Variants in ALOXE3 observed in about 807,000 individuals in gnomAD.
The protein encoded by ALOXE3 is hydroperoxide isomerase ALOXE3.
In ALOXE3, 78 loss-of-function variants were observed where a neutral mutation model predicts 87.5. That is an observed-to-expected ratio of 0.89 (90% CI 0.74 to 1.08). The LOEUF (loss-of-function observed/expected upper bound fraction) is 1.08. Ranked by LOEUF, ALOXE3 falls within the 50% of genes least tolerant of loss-of-function variation. The pLI, the probability that ALOXE3 is intolerant of heterozygous loss-of-function variation, is 0.00. For synonymous variants in ALOXE3, 363 were observed against 370.8 expected (o/e 0.98, Z 0.24); for missense variants, 946 against 912.4 (o/e 1.04, Z -0.47).
intron 15 of ALOXE3, among the ~76,000 whole-genome samples, chr17:8,100,147 G>GA (rs2151829730): frequency 6.6e-6 from 1 of 151,670 alleles, no homozygotes; most frequent in African/African-American, 2.4e-5. Context: ...GAGGGGGGAG[G>GA]GAGGGACGGA....
upstream of ALOXE3, chr17:8,118,808 G>A: frequency 6.5e-7 from 1 of 1,536,954 alleles, no homozygotes; most frequent in Non-Finnish European, 8.7e-7. Flanking sequence ...CCCTGGGCCT[G>A]CAGGATCCTG....
intron 14 of ALOXE3, 129 bp from the exon 15 acceptor site, chr17:8,103,622 G>A: frequency 9.6e-7 from 1 of 1,045,498 alleles, no homozygotes; most frequent in Admixed American, 2.0e-5. Flanking sequence ...TCACGGAAAG[G>A]CAAGAGAGCT....
chr17:8,108,678 A>T, intron 12 of ALOXE3, 89 bp from the exon 13 acceptor site: 2 of 1,558,116 alleles, frequency 1.3e-6, no homozygotes, highest in Non-Finnish European at 1.7e-6. Context: ...CAGGCGGCAG[A>T]GAGACAGATA....
chr17:8,117,643 C>T (rs1052707052), intron 2 of ALOXE3, among the ~76,000 whole-genome samples: 1 of 152,144 alleles, frequency 6.6e-6, no homozygotes, highest in African/African-American at 2.4e-5. Context: ...TACTCCCTGT[C>T]CAACGCTCCT....
chr17:8,114,993 A>T lies in ALOXE3; in HGVS notation c.499T>A (p.Ser167Thr). The change falls in exon 5 of 16, where the codon TCA (serine) becomes ACA (threonine). Residue 167 changes from serine to threonine, a missense_variant. Physicochemically the swap from Ser to Thr is moderately conservative, Grantham distance 58. Coordinates refer to ENST00000448843, the MANE Select transcript of ALOXE3 (RefSeq NM_021628.3). ...VDVNSFQEME[S>T]DKKFALTKTT... ...TTTGTCAAGGCAAATTTCTTGTCTG[A>T]CTCCATCTCCTGAAAGCTGTTGACG... The T allele has an allele frequency of 6.2e-7, 1 of 1,613,828 alleles. No individual in the cohort carries two copies. Among genetic ancestry groups the T allele is most frequent in the Non-Finnish European group, 8.5e-7 (1 of 1,179,972 alleles).
Position 8,096,788 on chromosome 17 carries a change from G to A in ALOXE3, c.1975C>T (p.Pro659Ser), listed in dbSNP as rs1046437682. ...PKDQRPLGTY[P>S]DEHFTEEAPR... ...GCCTCCTCTGTGAAGTGCTCATCTG[G>A]GTAGGTGCCCAGGGGCCTCTGGGAG... The change falls in exon 16 of 16, where the codon CCA becomes TCA. Residue 659 changes from proline (P) to serine (S), a missense_variant. Physicochemically the swap from Pro to Ser is moderately conservative, Grantham distance 74. Transcript: ENST00000448843. 9 of 1,614,076 alleles carry A rather than the reference G, an allele frequency of 5.6e-6. No homozygotes were observed. The highest frequency in any genetic ancestry group is 6.8e-6 in the Non-Finnish European group (8 of 1,180,052).
At chr17:8,097,769 A>G (rs1377413354) in intron 15 of ALOXE3, among the ~76,000 whole-genome samples, 2 of 140,656 alleles carry the variant, frequency 1.4e-5, no homozygotes, top group South Asian at 2.2e-4. Context: ...TTTTTTTGAG[A>G]CAGAGTCTCG....
At chr17:8,117,776 G>T (rs1980726573) in intron 2 of ALOXE3, 68 bp downstream of exon 2, 9 of 1,565,300 alleles carry the variant, frequency 5.7e-6, no homozygotes, top group African/African-American at 1.3e-5. Flanking sequence ...GAGTCCAGGA[G>T]GAATACTCCT....
At position 8,107,913 on chromosome 17, in the gene ALOXE3, GA is replaced by G. The variant is rs1227350998; in HGVS notation, c.1684+554del. On this transcript the variant is annotated intron_variant, in intron 13 of 15. Coordinates refer to ENST00000448843, the MANE Select transcript of ALOXE3 (RefSeq NM_021628.3). The stretch of plus-strand genomic sequence containing the variant: ...AGAAAGAAAGAAAGAAAGAAAGAAA[GA>G]AAGAAAGAAAGAAAGAAAGAAAGAA... Among the ~76,000 whole-genome samples the G allele has an allele frequency of 6.7e-4, 4 of 5,936 alleles. 1 individual carries two copies. The South Asian group carries it at 9.0e-3, about 13-fold the overall frequency. The allele number at this position is 5,936 out of a possible 152,430, so 3.9% of individuals were successfully genotyped here. A position where few individuals can be genotyped will look rare whatever the true frequency, so the allele number is the denominator to read the frequency against.
At chr17:8,109,111 G>C (rs1567998098) in intron 12 of ALOXE3, 63 bp downstream of exon 12, 5 of 1,601,794 alleles carry the variant, frequency 3.1e-6, no homozygotes, top group East Asian at 4.5e-5. Flanking sequence ...TGAGCGCAGG[G>C]ACCACAATGT....
chr17:8,117,875 T>G lies in ALOXE3; in HGVS notation c.116A>C (p.Asp39Ala). ...TCGESPKQRLDRMGRDFAPGS... is the reference protein window; with the variant it reads ...TCGESPKQRLARMGRDFAPGS... ...AGGGGCGAAGTCCCTGCCCATTCGA[T>G]CTAGCCGCTGCTTGGGGCTTTCACC... Residue 39 changes from aspartate to alanine, a missense_variant, in exon 2 of 16, where the codon GAT (aspartate) becomes GCT (alanine). By Grantham distance (126) the Asp-to-Ala change is moderately radical. Coordinates refer to ENST00000448843, the MANE Select transcript of ALOXE3 (RefSeq NM_021628.3). The G allele has an allele frequency of 6.2e-7, 1 of 1,611,746 alleles. No individual in the cohort carries two copies.
At chr17:8,101,122 G>A (rs1021629231) in intron 15 of ALOXE3, among the ~76,000 whole-genome samples, 4 of 151,744 alleles carry the variant, frequency 2.6e-5, no homozygotes, top group African/African-American at 9.7e-5. Flanking sequence ...CTGCCTCCCG[G>A]GTTTAAGTGA....
chr17:8,114,958 AG>A lies in ALOXE3; in HGVS notation c.533del (p.Thr178IlefsTer3). On this transcript the variant is annotated frameshift_variant, in exon 5 of 16. Coordinates refer to ENST00000448843, the MANE Select transcript of ALOXE3 (RefSeq NM_021628.3). LOFTEE classifies it high-confidence loss of function. ...DKKFALTKTT[T>X]CVDQGDSSGN... is the part of the protein sequence containing the mutation. Reference sequence around the variant, plus strand: ...TTCACCTGTCACCCTGGTCTACACAAGTTGTCGTCTTTGTCAAGGCAAATTT... The same window carrying A: ...TTCACCTGTCACCCTGGTCTACACAATTGTCGTCTTTGTCAAGGCAAATTT... 6.2e-7 allele frequency: 1 copy of A among 1,613,982 alleles called. No homozygotes were observed. The highest frequency in any genetic ancestry group is 8.5e-7 in the Non-Finnish European group (1 of 1,180,000).
At chr17:8,108,328 T>C in intron 13 of ALOXE3, 140 bp downstream of exon 13, 2 of 1,352,868 alleles carry the variant, frequency 1.5e-6, no homozygotes, top group Non-Finnish European at 2.0e-6. Context: ...TCTTTGTGCC[T>C]CTTTCCATAT....
chr17:8,111,644 G>A (rs1323319978), intron 7 of ALOXE3, 113 bp from the exon 8 acceptor site: 1 of 1,077,672 alleles, frequency 9.3e-7, no homozygotes, highest in East Asian at 2.4e-5. Flanking sequence ...AAAACTCTAT[G>A]AGGTAGGAAT....
intron 13 of ALOXE3, among the ~76,000 whole-genome samples, chr17:8,104,484 C>T (rs1277400238): frequency 6.6e-6 from 1 of 152,180 alleles, no homozygotes; most frequent in Non-Finnish European, 1.5e-5. Context: ...AAGTGCCCAG[C>T]TGCCTCTCCC....
intron 3 of ALOXE3, 128 bp from the exon 4 acceptor site, chr17:8,115,816 G>T: frequency 1.2e-6 from 1 of 863,028 alleles, no homozygotes; most frequent in Non-Finnish European, 1.9e-6. Context: ...ACGTGGCGGT[G>T]CCCCCACGTT....
At position 8,111,538 on chromosome 17, in the gene ALOXE3, T is replaced by C. The variant is rs1195749412; in HGVS notation, c.785-7A>G. The C allele has an allele frequency of 1.7e-5, 28 of 1,614,068 alleles. No individual in the cohort carries two copies. The South Asian group carries it at 3.0e-4, about 17-fold the overall frequency. Reference sequence around the variant, plus strand: ...CAGTGCTCTGTGACATACTCTGGGATACAAGAGAGGGGACCAGTTGGTCTA... The same window carrying C: ...CAGTGCTCTGTGACATACTCTGGGACACAAGAGAGGGGACCAGTTGGTCTA... On this transcript the variant is annotated splice_region_variant and splice_polypyrimidine_tract_variant and intron_variant, in intron 7 of 15. Coordinates refer to ENST00000448843, the MANE Select transcript of ALOXE3 (RefSeq NM_021628.3).
chr17:8,099,259 C>T (rs1598193695), intron 15 of ALOXE3, among the ~76,000 whole-genome samples: 1 of 152,236 alleles, frequency 6.6e-6, no homozygotes, highest in Middle Eastern at 3.4e-3. Flanking sequence ...ATTATTCTCA[C>T]TTTAAAGATA....
Sources: allele counts gnomAD v4.1 joint callset (sites outside exome capture counted in the v4.1 genomes callset), GRCh38; gene constraint gnomAD v4.1.1; transcripts MANE v1.5; gene names NCBI Gene and HGNC (gene_info 2026-07-23, HGNC 2026-07-21).